CDH8: variants seen among roughly 807,000 people sequenced by gnomAD.
The protein encoded by CDH8 is cadherin-8.
CDH8 carries 17 observed loss-of-function variants against 68.1 expected under a neutral mutation model. The observed-to-expected ratio is 0.25, with a 90% CI of 0.17 to 0.37. The LOEUF (loss-of-function observed/expected upper bound fraction) is 0.37, where lower values mean the gene tolerates loss of function less well. CDH8 is among the 10% of genes least tolerant of loss of function. CDH8 has a pLI of 1.00. For synonymous variants in CDH8, 372 were observed against 365.1 expected (o/e 1.02, Z -0.21); for missense variants, 763 against 999.3 (o/e 0.76, Z 3.19).
At chr16:61,904,088 C>T (rs1045051697) in intron 2 of CDH8, among the ~76,000 whole-genome samples, 2 of 152,088 alleles carry the variant, frequency 1.3e-5, no homozygotes, top group African/African-American at 4.8e-5. Flanking sequence ...TTATTTCATC[C>T]TATTATTTGT....
At chr16:61,896,672 T>C (rs1459308411) in intron 3 of CDH8, among the ~76,000 whole-genome samples, 1 of 152,192 alleles carries the variant, frequency 6.6e-6, no homozygotes, top group Admixed American at 6.5e-5. Flanking sequence ...CTGCTTCCTT[T>C]AACCAGAGAG....
chr16:61,679,095 A>G (rs955943936), intron 10 of CDH8, among the ~76,000 whole-genome samples: 5 of 152,042 alleles, frequency 3.3e-5, no homozygotes, highest in African/African-American at 9.7e-5. Flanking sequence ...TGAAATGTGA[A>G]CAGAAGTGAC....
At chr16:61,962,853 C>G (rs753452197) in intron 2 of CDH8, among the ~76,000 whole-genome samples, 1 of 151,876 alleles carries the variant, frequency 6.6e-6, no homozygotes, top group Non-Finnish European at 1.5e-5. Flanking sequence ...GCATATAACA[C>G]TTCTGTTTTT....
At chr16:62,005,184 C>T (rs1204464645) in intron 2 of CDH8, among the ~76,000 whole-genome samples, 1 of 152,176 alleles carries the variant, frequency 6.6e-6, no homozygotes, top group African/African-American at 2.4e-5. Context: ...CTTGCAAAGC[C>T]GAGTGACACT....
intron 10 of CDH8, among the ~76,000 whole-genome samples, chr16:61,678,421 G>C (rs1963954795): frequency 2.6e-5 from 4 of 152,032 alleles, no homozygotes; most frequent in Admixed American, 2.6e-4. Context: ...ACTATTAACT[G>C]TTTGCTCTAC....
At chr16:61,679,092 T>A (rs1286798437) in intron 10 of CDH8, among the ~76,000 whole-genome samples, 2 of 152,040 alleles carry the variant, frequency 1.3e-5, no homozygotes, top group Non-Finnish European at 2.9e-5. Flanking sequence ...CAATGAAATG[T>A]GAACAGAAGT....
intron 2 of CDH8, among the ~76,000 whole-genome samples, chr16:61,981,695 T>TGC (rs1965534212): frequency 6.8e-6 from 1 of 146,318 alleles, no homozygotes; most frequent in African/African-American, 2.6e-5. Flanking sequence ...CGCGCGCGCG[T>TGC]GCGCTTGGGG....
intron 10 of CDH8, among the ~76,000 whole-genome samples, chr16:61,705,615 T>G (rs1342653879): frequency 1.3e-5 from 2 of 152,132 alleles, no homozygotes; most frequent in African/African-American, 4.8e-5. Context: ...GAATTAGCTG[T>G]CCATGATTAA....
chr16:61,779,779 A>G (rs537165008), intron 8 of CDH8, among the ~76,000 whole-genome samples: 3 of 152,170 alleles, frequency 2.0e-5, no homozygotes, highest in Non-Finnish European at 4.4e-5. Flanking sequence ...AATAAAATGC[A>G]TGCTTTTTCA....
chr16:61,843,162 T>A (rs1962725082), intron 4 of CDH8, among the ~76,000 whole-genome samples: 1 of 152,186 alleles, frequency 6.6e-6, no homozygotes, highest in African/African-American at 2.4e-5. Context: ...GTATTTGTTT[T>A]GTGTATTAAA....
rs1185703652 is a variant in CDH8, at chr16:61,940,398, C to CTTTTTTTTTTTTTTTTTTTTT, written c.253-38926_253-38925insAAAAAAAAAAAAAAAAAAAAA. The CTTTTTTTTTTTTTTTTTTTTT allele has an allele frequency of 3.1e-3, 363 of 116,272 alleles. 30 individuals are homozygous for CTTTTTTTTTTTTTTTTTTTTT. The highest frequency in any genetic ancestry group is 0.015 in the East Asian group (51 of 3,314). The allele number at this position is 116,272 out of a possible 1,614,324, so 7.2% of individuals were successfully genotyped here. A position where few individuals can be genotyped will look rare whatever the true frequency, so the allele number is the denominator to read the frequency against. ...GAGCTATGGTAATGAACTACTTGATCTTTTTTTTTTTTTTTTTTTGAGACG... is the reference window on the plus strand; with the variant it reads ...GAGCTATGGTAATGAACTACTTGATCTTTTTTTTTTTTTTTTTTTTTTTTTTTTTTTTTTTTTTTTGAGACG... On this transcript the variant is annotated intron_variant, in intron 2 of 11. Transcript: ENST00000577390.
intron 2 of CDH8, among the ~76,000 whole-genome samples, chr16:61,981,679 T>TGCGCGC (rs911560498): frequency 1.7e-3 from 247 of 148,212 alleles, no homozygotes; most frequent in African/African-American, 5.9e-3. Flanking sequence ...TGTGTGTGTG[T>TGCGCGC]GTGCGCGCGC....
chr16:61,764,428 G>A (rs542255198), intron 8 of CDH8, among the ~76,000 whole-genome samples: 12 of 152,150 alleles, frequency 7.9e-5, no homozygotes, highest in Admixed American at 1.3e-4. Flanking sequence ...TCAGTTTCCC[G>A]TAGGAAAACT....
rs80203692 is a variant in CDH8 at position 61,894,377 on chromosome 16, T to G, written c.547+6802A>C. Among the ~76,000 whole-genome samples the G allele has an allele frequency of 2.8e-4, 43 of 152,296 alleles. No individual in the cohort carries two copies. In the East Asian group the frequency reaches 6.2e-3, roughly 22 times the overall value. On this transcript the variant is annotated intron_variant, in intron 3 of 11. Transcript: ENST00000577390. ...TAGTGTGGTTCTAGATATGATACTTTTACTAAAACCCACGATATTGGGACA... is the reference window on the plus strand; with the variant it reads ...TAGTGTGGTTCTAGATATGATACTTGTACTAAAACCCACGATATTGGGACA...
intron 2 of CDH8, among the ~76,000 whole-genome samples, chr16:62,003,343 AAAGAT>A (rs551133557): frequency 1.9e-3 from 290 of 152,350 alleles, no homozygotes; most frequent in African/African-American, 6.7e-3. Flanking sequence ...ATTTTGCACA[AAAGAT>A]AATAGCAGTT....
At chr16:61,779,050 G>A (rs369900586) in intron 8 of CDH8, among the ~76,000 whole-genome samples, 1 of 152,136 alleles carries the variant, frequency 6.6e-6, no homozygotes, top group Admixed American at 6.5e-5. Context: ...CACTAACTCA[G>A]AGAGATTAAT....
intron 10 of CDH8, among the ~76,000 whole-genome samples, chr16:61,706,005 C>A (rs536445783): frequency 6.6e-6 from 1 of 152,182 alleles, no homozygotes; most frequent in South Asian, 2.1e-4. Context: ...GTGTGCCTGG[C>A]ACATGATGGA....
At chr16:62,017,514 T>C (rs1901969757) in intron 2 of CDH8, among the ~76,000 whole-genome samples, 1 of 151,984 alleles carries the variant, frequency 6.6e-6, no homozygotes. Flanking sequence ...ACCCCATCTC[T>C]ACAAAAGATT....
chr16:61,698,626 C>T (rs1195519878), intron 10 of CDH8, among the ~76,000 whole-genome samples: 5 of 152,206 alleles, frequency 3.3e-5, no homozygotes, highest in Non-Finnish European at 4.4e-5. Context: ...GTCCTCGCTT[C>T]TGTAAGTCCA....
Sources: allele counts gnomAD v4.1 joint callset (sites outside exome capture counted in the v4.1 genomes callset), GRCh38; gene constraint gnomAD v4.1.1; transcripts MANE v1.5; gene names NCBI Gene and HGNC (gene_info 2026-07-23, HGNC 2026-07-21).